Variants in EPS15 observed in about 807,000 individuals in gnomAD.
EPS15 encodes the protein epidermal growth factor receptor substrate 15.
A neutral mutation model predicts 113.8 loss-of-function variants in EPS15; 72 were observed. The observed-to-expected ratio is 0.63, with a 90% CI of 0.52 to 0.77. The LOEUF (loss-of-function observed/expected upper bound fraction) is 0.77, where lower values mean the gene tolerates loss of function less well. Among genes scored for constraint, EPS15 ranks in the 30% least tolerant of loss-of-function variants. EPS15 has a pLI of 0.00. For synonymous variants in EPS15, 344 were observed against 363.4 expected, an observed-to-expected ratio of 0.95 and a Z score of 0.61; for missense variants, 1,048 against 1,045.8, an observed-to-expected ratio of 1.00 and a Z score of -0.03.
At chr1:51,492,816 A>G (rs766049802) in intron 1 of EPS15, among the ~76,000 whole-genome samples, 5 of 152,228 alleles carry the variant, frequency 3.3e-5, no homozygotes, top group Non-Finnish European at 5.9e-5. Flanking sequence ...TAGCCCCTCA[A>G]ATGGCAGCTG....
At chr1:51,490,815 G>T (rs1644219682) in intron 1 of EPS15, among the ~76,000 whole-genome samples, 2 of 152,090 alleles carry the variant, frequency 1.3e-5, no homozygotes. Flanking sequence ...ACTGCATATG[G>T]ATAGAACTAT....
chr1:51,363,717 G>T, intron 23 of EPS15, 149 bp downstream of exon 23: 1 of 564,842 alleles, frequency 1.8e-6, no homozygotes, highest in Non-Finnish European at 2.9e-6. Flanking sequence ...TAATTCAGCA[G>T]TTAGGTCAGA....
In EPS15 at chr1:51,483,170, G is replaced by A. The variant is rs114893431; in HGVS notation, c.34-1856C>T. On this transcript the variant is annotated intron_variant, in intron 1 of 24. Coordinates refer to ENST00000371733, the MANE Select transcript of EPS15 (RefSeq NM_001981.3). The stretch of plus-strand genomic sequence containing the variant: ...CCTGCCCATTAGTCACTTAGTAGCC[G>A]ACTCAGTTATCAGGCTGACAGATCA... Among the ~76,000 whole-genome samples, 207 of 152,128 alleles carry A rather than the reference G, an allele frequency of 1.4e-3. 2 individuals are homozygous for A. The highest frequency in any genetic ancestry group is 4.5e-3 in the African/African-American group (186 of 41,500).
At chr1:51,428,369 G>A (rs889086914) in intron 12 of EPS15, among the ~76,000 whole-genome samples, 11 of 152,136 alleles carry the variant, frequency 7.2e-5, no homozygotes, top group Non-Finnish European at 1.5e-4. Flanking sequence ...TGTAATTTTT[G>A]TTTACAACTC....
chr1:51,378,759 A>C (rs777922654), intron 21 of EPS15, among the ~76,000 whole-genome samples: 4 of 152,220 alleles, frequency 2.6e-5, no homozygotes, highest in Non-Finnish European at 4.4e-5. Context: ...AACTTCCTGA[A>C]GACCTCTCTG....
At chr1:51,509,342 C>G (rs920109575) in intron 1 of EPS15, among the ~76,000 whole-genome samples, 1 of 151,918 alleles carries the variant, frequency 6.6e-6, no homozygotes, top group Admixed American at 6.6e-5. Context: ...ATAAATGATC[C>G]ATCAAAATTC....
intron 8 of EPS15, among the ~76,000 whole-genome samples, chr1:51,452,697 C>G (rs72696140): frequency 0.03 from 4,576 of 152,308 alleles, 74 homozygotes; most frequent in African/African-American, 0.05. Flanking sequence ...TTCAAACCAA[C>G]ATCTTCTGGC....
At chr1:51,512,459 A>G (rs761189768) in intron 1 of EPS15, among the ~76,000 whole-genome samples, 2 of 152,122 alleles carry the variant, frequency 1.3e-5, no homozygotes, top group Non-Finnish European at 2.9e-5. Flanking sequence ...TATAAAACAA[A>G]TATTTCTACA....
chr1:51,449,138 CAT>C (rs1343675221), intron 8 of EPS15, among the ~76,000 whole-genome samples: 2 of 152,136 alleles, frequency 1.3e-5, no homozygotes, highest in East Asian at 3.8e-4. Flanking sequence ...CATATGCACA[CAT>C]ATGTTCATCA....
intron 21 of EPS15, among the ~76,000 whole-genome samples, chr1:51,389,725 AG>A (rs1445487468): frequency 3.3e-5 from 5 of 152,282 alleles, no homozygotes; most frequent in African/African-American, 1.2e-4. Context: ...ATTGCTTCAA[AG>A]AGAATAAAAT....
intron 1 of EPS15, among the ~76,000 whole-genome samples, chr1:51,512,928 T>C (rs1026056368): frequency 6.6e-6 from 1 of 150,468 alleles, no homozygotes; most frequent in Non-Finnish European, 1.5e-5. Flanking sequence ...TAGCTCACTG[T>C]AACCTGCTAA....
chr1:51,516,300 A>G (rs1234662731), intron 1 of EPS15, among the ~76,000 whole-genome samples: 1 of 152,214 alleles, frequency 6.6e-6, no homozygotes, highest in Non-Finnish European at 1.5e-5. Flanking sequence ...TTTTGTCTCC[A>G]AGGTCAAAGA....
intron 4 of EPS15, among the ~76,000 whole-genome samples, chr1:51,470,505 G>C (rs1655157118): frequency 6.6e-6 from 1 of 151,986 alleles, no homozygotes; most frequent in Non-Finnish European, 1.5e-5. Context: ...AAACTAGCCA[G>C]GTGCGGAGGC....
intron 1 of EPS15, among the ~76,000 whole-genome samples, chr1:51,505,795 A>T (rs1211681325): frequency 2.6e-5 from 4 of 152,106 alleles, no homozygotes; most frequent in East Asian, 3.9e-4. Context: ...TTTTATTTTT[A>T]TTTATTTATT....
At chr1:51,396,809 T>C (rs1467434867) in intron 20 of EPS15, among the ~76,000 whole-genome samples, 2 of 152,122 alleles carry the variant, frequency 1.3e-5, no homozygotes, top group African/African-American at 2.4e-5. Context: ...CCAGATTGTA[T>C]TGGTGAAAAT....
chr1:51,475,117 C>T (rs374760261), intron 2 of EPS15, among the ~76,000 whole-genome samples: 4 of 152,046 alleles, frequency 2.6e-5, no homozygotes, highest in East Asian at 1.9e-4. Context: ...GTCTTTGCTA[C>T]TGTGAATAGT....
chr1:51,409,508 A>G, intron 14 of EPS15, 27 bp downstream of exon 14: 2 of 1,590,976 alleles, frequency 1.3e-6, no homozygotes, highest in Non-Finnish European at 1.7e-6. Flanking sequence ...GTATAGGTGC[A>G]GGCAGCAGGA....
intron 13 of EPS15, among the ~76,000 whole-genome samples, chr1:51,414,201 C>G (rs1341600435): frequency 1.3e-5 from 2 of 152,080 alleles, no homozygotes; most frequent in Admixed American, 1.3e-4. Context: ...GACCTGAGGT[C>G]AGGAGTTCGA....
At chr1:51,479,874 C>G (rs1008320704) in intron 2 of EPS15, among the ~76,000 whole-genome samples, 2 of 152,174 alleles carry the variant, frequency 1.3e-5, no homozygotes, top group Non-Finnish European at 2.9e-5. Context: ...AAGATCCTAG[C>G]CTCACGGGTA....
Sources: allele counts gnomAD v4.1 joint callset (sites outside exome capture counted in the v4.1 genomes callset), GRCh38; gene constraint gnomAD v4.1.1; transcripts MANE v1.5; gene names NCBI Gene and HGNC (gene_info 2026-07-23, HGNC 2026-07-21).